Variants in UPF3B observed in about 807,000 individuals in gnomAD.
UPF3B encodes UPF3B regulator of nonsense mediated mRNA decay.
A neutral mutation model predicts 40.3 loss-of-function variants in UPF3B; 7 were observed. The observed-to-expected ratio is 0.17, with a 90% CI of 0.10 to 0.33. The LOEUF (loss-of-function observed/expected upper bound fraction) is 0.33. UPF3B is among the 10% of genes least tolerant of loss of function. The pLI is 1.00. For synonymous variants in UPF3B, 117 were observed against 117.3 expected, an observed-to-expected ratio of 1.00 and a Z score of 0.01; for missense variants, 229 against 358.9, an observed-to-expected ratio of 0.64 and a Z score of 2.93.
chrX:119,813,282 G>A (rs2055838874), intron 5 of UPF3B, among the ~76,000 whole-genome samples: 1 of 110,933 alleles, frequency 9.0e-6, no homozygotes, highest in Admixed American at 9.7e-5. Context: ...TGTTGTAGGT[G>A]GGTCCTGGTG....
At chrX:119,806,665 A>G (rs972297306) in intron 6 of UPF3B, among the ~76,000 whole-genome samples, 9 of 111,236 alleles carry the variant, frequency 8.1e-5, no homozygotes, top group African/African-American at 2.9e-4. Flanking sequence ...CTGTACTTAT[A>G]CTACAAGGAC....
At chrX:119,833,746 T>C (rs1026057051), downstream of UPF3B, among the ~76,000 whole-genome samples, 5 of 112,425 alleles carry the variant, frequency 4.4e-5, no homozygotes, top group African/African-American at 1.6e-4. Flanking sequence ...CCTCAAGTGA[T>C]CCGCCCACCT....
chrX:119,851,912 C>A, intron 1 of UPF3B, 39 bp from the exon 2 acceptor site: 2 of 946,747 alleles, frequency 2.1e-6, no homozygotes, highest in Non-Finnish European at 3.0e-6. Flanking sequence ...TAGTACAAAT[C>A]AGTTTTCTGT....
chrX:119,835,322 G>A (rs1004773840), intron 10 of UPF3B, among the ~76,000 whole-genome samples: 5 of 111,365 alleles, frequency 4.5e-5, no homozygotes, highest in East Asian at 2.8e-4. Context: ...TTGCAGCCTC[G>A]ACATTCCAGA....
At chrX:119,821,306 T>C (rs1310647859) in intron 4 of UPF3B, among the ~76,000 whole-genome samples, 1 of 112,289 alleles carries the variant, frequency 8.9e-6, no homozygotes, top group African/African-American at 3.2e-5. Context: ...CAGTTAAACC[T>C]CTTTTCTTAT....
intron 10 of UPF3B, among the ~76,000 whole-genome samples, chrX:119,835,408 C>T (rs750228425): frequency 9.0e-6 from 1 of 111,502 alleles, no homozygotes; most frequent in East Asian, 2.8e-4. Context: ...GCTGTTTTTA[C>T]ATTGTTAGTA....
At chrX:119,807,672 ACTAAAGCTCAGTAATT>A in intron 5 of UPF3B, 6 of 472,254 alleles carry the variant, frequency 1.3e-5, no homozygotes, top group Non-Finnish European at 1.6e-5. Flanking sequence ...ATTAATATAT[ACTAAAGCTCAGTAATT>A]TAAGACCAAA....
intron 3 of UPF3B, among the ~76,000 whole-genome samples, chrX:119,847,484 G>A (rs1045169777): frequency 7.2e-5 from 8 of 110,701 alleles, no homozygotes; most frequent in East Asian, 2.8e-4. Flanking sequence ...AAGAACTACC[G>A]GCGGGGCACA....
At chrX:119,806,516 T>C (rs999415084) in intron 6 of UPF3B, among the ~76,000 whole-genome samples, 6 of 111,827 alleles carry the variant, frequency 5.4e-5, no homozygotes, top group African/African-American at 1.9e-4. Flanking sequence ...TAAAAGCAGA[T>C]GTTTGAAAAT....
chrX:119,830,662 A>G (rs768763640), downstream of UPF3B, among the ~76,000 whole-genome samples: 10 of 110,237 alleles, frequency 9.1e-5, no homozygotes, highest in African/African-American at 3.0e-4. Context: ...GAAAAAACCA[A>G]GGTAAGCTAG....
At chrX:119,819,369 A>G (rs184944907) in intron 4 of UPF3B, among the ~76,000 whole-genome samples, 54 of 111,022 alleles carry the variant, frequency 4.9e-4, no homozygotes, top group African/African-American at 1.6e-3. Flanking sequence ...GCTTATTATA[A>G]GAGTGTTTTG....
chrX:119,832,521 G>C (rs2147776792), downstream of UPF3B, among the ~76,000 whole-genome samples: 1 of 111,773 alleles, frequency 8.9e-6, no homozygotes, highest in South Asian at 3.7e-4. Flanking sequence ...GGCTTCCGTG[G>C]CTTTCCTAAG....
chrX:119,847,209 T>C (rs1038762202), intron 3 of UPF3B, among the ~76,000 whole-genome samples: 2 of 111,872 alleles, frequency 1.8e-5, no homozygotes, highest in African/African-American at 6.5e-5. Context: ...TGGAAAACAG[T>C]ATGGCAGTTC....
chrX:119,815,023 G>A (rs1377849198), intron 5 of UPF3B, among the ~76,000 whole-genome samples: 1 of 109,130 alleles, frequency 9.2e-6, no homozygotes, highest in Non-Finnish European at 1.9e-5. Flanking sequence ...CTGGCACCAC[G>A]CCTGGCTAGT....
At chrX:119,846,853 GA>G (rs2056240793) in intron 3 of UPF3B, among the ~76,000 whole-genome samples, 1 of 112,190 alleles carries the variant, frequency 8.9e-6, no homozygotes, top group South Asian at 3.6e-4. Context: ...CATGGAATGG[GA>G]GAAATATTTG....
At chrX:119,811,535 A>G (rs1441941379) in intron 5 of UPF3B, among the ~76,000 whole-genome samples, 3 of 108,587 alleles carry the variant, frequency 2.8e-5, no homozygotes, top group Non-Finnish European at 5.7e-5. Context: ...AGTTCCAGCT[A>G]CTCGGGAGGC....
At chrX:119,837,098 C>A (rs747643872) in intron 10 of UPF3B, among the ~76,000 whole-genome samples, 1 of 107,371 alleles carries the variant, frequency 9.3e-6, no homozygotes, top group African/African-American at 3.4e-5. Flanking sequence ...TGTGCGCCAC[C>A]ACATCCAGCC....
downstream of UPF3B, among the ~76,000 whole-genome samples, chrX:119,832,405 C>T (rs1375070788): frequency 9.0e-6 from 1 of 111,446 alleles, no homozygotes; most frequent in Non-Finnish European, 1.9e-5. Context: ...ATTACAGGTG[C>T]CCACCACCAC....
At chrX:119,806,241 C>A (rs2055789757) in intron 6 of UPF3B, among the ~76,000 whole-genome samples, 1 of 94,599 alleles carries the variant, frequency 1.1e-5, no homozygotes, top group Admixed American at 1.2e-4. Flanking sequence ...GAACAAAAAA[C>A]CAAACACCGC....
Sources: gnomAD v4.1 joint callset for allele counts (sites outside exome capture counted in the v4.1 genomes callset) on GRCh38, gnomAD v4.1.1 for gene constraint, MANE v1.5 for transcripts, NCBI Gene and HGNC (gene_info 2026-07-23, HGNC 2026-07-21) for gene names.